Variants in COL28A1 observed in about 807,000 individuals in gnomAD.
The protein encoded by COL28A1 is collagen alpha-1(XXVIII) chain.
COL28A1 carries 161 observed loss-of-function variants against 150.2 expected under a neutral mutation model. That is an observed-to-expected ratio of 1.07 (90% CI 0.94 to 1.22). The LOEUF is 1.22. Ranked by LOEUF, COL28A1 falls within the 50% of genes most tolerant of loss-of-function variation. COL28A1 has a pLI of 0.00. For missense variants in COL28A1, 1,617 were observed against 1,388.3 expected (o/e 1.16, Z -2.62); for synonymous variants, 552 against 469.7 (o/e 1.18, Z -2.26).
At chr7:7,458,662 GCAT>G (rs1450369836) in intron 15 of COL28A1, among the ~76,000 whole-genome samples, 5 of 152,150 alleles carry the variant, frequency 3.3e-5, no homozygotes, top group African/African-American at 1.2e-4. Context: ...GATTTCTTAT[GCAT>G]CAGATATTGT....
At chr7:7,350,967 A>G in the COL28A1 span, among the ~76,000 whole-genome samples, 2 of 152,156 alleles carry the variant, frequency 1.3e-5, no homozygotes, top group Non-Finnish European at 1.5e-5. Context: ...AGAGAAAAAT[A>G]GAGAAAGTCT....
At chr7:7,348,302 A>G in the COL28A1 span, among the ~76,000 whole-genome samples, 112,859 of 151,904 alleles carry the variant, frequency 0.74, 44,463 homozygotes, top group East Asian at 1. Flanking sequence ...AGCTCCATCC[A>G]TCTCTCAAAA....
intron 7 of COL28A1, among the ~76,000 whole-genome samples, chr7:7,516,384 G>T (rs542643081): frequency 6.6e-6 from 1 of 152,128 alleles, no homozygotes; most frequent in Non-Finnish European, 1.5e-5. Context: ...GCCCTAATGC[G>T]ACAGTGACCT....
intron 13 of COL28A1, among the ~76,000 whole-genome samples, chr7:7,487,605 G>C (rs1779698329): frequency 6.6e-6 from 1 of 152,038 alleles, no homozygotes; most frequent in Non-Finnish European, 1.5e-5. Flanking sequence ...TTATTTCTTT[G>C]ACATTTTCAG....
chr7:7,420,861 TG>T (rs144670189), intron 25 of COL28A1, among the ~76,000 whole-genome samples: 9,998 of 152,248 alleles, frequency 0.066, 1,122 homozygotes, highest in African/African-American at 0.23. Context: ...GCTATTAAGG[TG>T]CAGGGCTAGA....
intron 27 of COL28A1, among the ~76,000 whole-genome samples, chr7:7,381,913 A>G (rs2128289382): frequency 6.6e-6 from 1 of 152,338 alleles, no homozygotes; most frequent in Admixed American, 6.5e-5. Flanking sequence ...CTATGAACAC[A>G]TCAACCAGTT....
intron 27 of COL28A1, among the ~76,000 whole-genome samples, chr7:7,382,247 T>G (rs1392551374): frequency 1.3e-5 from 2 of 150,716 alleles, no homozygotes; most frequent in Non-Finnish European, 1.5e-5. Context: ...GAGGCAGAGG[T>G]TGCAATAAGC....
At chr7:7,387,006 T>G (rs1782224481) in intron 27 of COL28A1, among the ~76,000 whole-genome samples, 1 of 152,188 alleles carries the variant, frequency 6.6e-6, no homozygotes, top group African/African-American at 2.4e-5. Context: ...GACAGCTCCC[T>G]GGGGCCTCCT....
downstream of COL28A1, among the ~76,000 whole-genome samples, chr7:7,353,694 C>T (rs569537243): frequency 9.2e-5 from 14 of 152,156 alleles, no homozygotes; most frequent in Non-Finnish European, 1.0e-4. Context: ...AGGAGAAGGA[C>T]ACTGCAGACA....
At chr7:7,466,316 C>T (rs927235467) in intron 15 of COL28A1, among the ~76,000 whole-genome samples, 3 of 144,782 alleles carry the variant, frequency 2.1e-5, no homozygotes, top group African/African-American at 7.7e-5. Flanking sequence ...ATGCAGAAGC[C>T]TCAGGAGCCG....
the COL28A1 span, among the ~76,000 whole-genome samples, chr7:7,339,349 C>G: frequency 6.6e-6 from 1 of 152,130 alleles, no homozygotes; most frequent in Non-Finnish European, 1.5e-5. Context: ...TCCTCTAAGA[C>G]TGTTTTTGCT....
chr7:7,407,023 T>C (rs919215249), intron 27 of COL28A1, among the ~76,000 whole-genome samples: 4 of 151,954 alleles, frequency 2.6e-5, no homozygotes, highest in African/African-American at 9.7e-5. Flanking sequence ...AAATGAAAAA[T>C]GTAACTGAAA....
chr7:7,349,180 A>G, the COL28A1 span, among the ~76,000 whole-genome samples: 5 of 152,152 alleles, frequency 3.3e-5, no homozygotes, highest in Non-Finnish European at 7.4e-5. Context: ...TTTTCCAAAT[A>G]TATTGTTTAT....
Position 7,456,101 on chromosome 7 carries a change from T to A in COL28A1, c.1314A>T (p.Gly438=). Residue 438 remains glycine (G), a synonymous_variant, in exon 16 of 35, where the codon GGA becomes GGT. Coordinates refer to ENST00000399429, the MANE Select transcript of COL28A1 (RefSeq NM_001037763.3). ...CCATTGGTCCTTGGGGTCCCACAGGTCCTATATCCCCCTGCACAGAAAATA... is the reference window on the plus strand; with the variant it reads ...CCATTGGTCCTTGGGGTCCCACAGGACCTATATCCCCCTGCACAGAAAATA... ...LSIKGEKGDI[G]PVGPQGPMGI... 1 of 1,613,690 alleles carries A rather than the reference T, an allele frequency of 6.2e-7. No homozygotes were observed. Among genetic ancestry groups the A allele is most frequent in the Non-Finnish European group, 8.5e-7 (1 of 1,179,806 alleles).
At chr7:7,437,332 A>ATT in intron 22 of COL28A1, 62 bp downstream of exon 22, 2 of 1,538,744 alleles carry the variant, frequency 1.3e-6, no homozygotes, top group Non-Finnish European at 8.8e-7. Flanking sequence ...TGGTATCATG[A>ATT]TTTTTTTTTC....
At chr7:7,527,716 T>C (rs1015125275) in intron 3 of COL28A1, among the ~76,000 whole-genome samples, 4 of 152,184 alleles carry the variant, frequency 2.6e-5, no homozygotes, top group African/African-American at 9.7e-5. Context: ...CAGAATTTCA[T>C]TAATGGATTC....
At chr7:7,490,332 A>G (rs1426738321) in intron 12 of COL28A1, among the ~76,000 whole-genome samples, 1 of 152,254 alleles carries the variant, frequency 6.6e-6, no homozygotes, top group East Asian at 1.9e-4. Context: ...GTACCTTGGC[A>G]AAAGGGTGGG....
rs561036045 is a variant in COL28A1 at position 7,524,723 on chromosome 7, A to T, written c.682-474T>A. On this transcript the variant is annotated intron_variant, in intron 3 of 34. Transcript: ENST00000399429. ...AAAACAATATAGTCATAACTTCATGAAATATTAATGGGTGTTAGATCATAT... is the reference window on the plus strand; with the variant it reads ...AAAACAATATAGTCATAACTTCATGTAATATTAATGGGTGTTAGATCATAT... Among the ~76,000 whole-genome samples the T allele has an allele frequency of 5.3e-5, 8 of 152,284 alleles. No homozygotes were observed. In the South Asian group the frequency reaches 1.7e-3, roughly 32 times the overall value.
intron 13 of COL28A1, among the ~76,000 whole-genome samples, chr7:7,485,532 C>T (rs1358357087): frequency 6.6e-6 from 1 of 152,144 alleles, no homozygotes; most frequent in Admixed American, 6.5e-5. Context: ...AAGAAATCTT[C>T]ATCAAGCCCA....
Sources: allele counts gnomAD v4.1 joint callset (sites outside exome capture counted in the v4.1 genomes callset), GRCh38; gene constraint gnomAD v4.1.1; transcripts MANE v1.5; gene names NCBI Gene and HGNC (gene_info 2026-07-23, HGNC 2026-07-21).